Variants in PCDHGA8 observed in about 807,000 individuals in gnomAD.
PCDHGA8 encodes protocadherin gamma-A8.
Under a neutral mutation model 59.2 loss-of-function variants are expected in PCDHGA8, and 45 were observed. That is an observed-to-expected ratio of 0.76 (90% confidence interval 0.60 to 0.98). The LOEUF is 0.98. Ranked by LOEUF, PCDHGA8 falls within the 50% of genes least tolerant of loss-of-function variation. The pLI, the probability that PCDHGA8 is intolerant of heterozygous loss-of-function variation, is 0.00. For synonymous variants in PCDHGA8, 531 were observed against 519.0 expected (o/e 1.02, Z -0.32); for missense variants, 1,257 against 1,196.2 (o/e 1.05, Z -0.75).
intron 1 of PCDHGA8, chr5:141,421,690 C>T: frequency 6.2e-7 from 1 of 1,613,948 alleles, no homozygotes. Context: ...GCGATTTGCT[C>T]TTCCTAATGC....
Position 141,476,735 on chromosome 5 carries a change from G to C in PCDHGA8, c.2425-18072G>C, listed in dbSNP as rs1267556668. The C allele has an allele frequency of 6.2e-7, 1 of 1,613,974 alleles. No individual in the cohort carries two copies. Among genetic ancestry groups the C allele is most frequent in the African/African-American group, 1.3e-5 (1 of 74,940 alleles). On this transcript the variant is annotated intron_variant, in intron 1 of 3. Coordinates refer to ENST00000398604, the MANE Select transcript of PCDHGA8 (RefSeq NM_032088.2). This position sits in a 1 kb window ranked among gnomAD's most constrained non-coding sequence, Gnocchi z 7.6. ...GGAGCGCGCCCTGGACCGAGAACGG[G>C]AGCCTAGTCTCCAGTTAGTGCTGAC...
chr5:141,399,660 C>A lies in PCDHGA8; in HGVS notation c.2424+4423C>A, dbSNP rs988885728. 11 of 1,613,536 alleles carry A rather than the reference C, an allele frequency of 6.8e-6. No individual in the cohort carries two copies. The highest frequency in any genetic ancestry group is 9.3e-6 in the Non-Finnish European group (11 of 1,179,888). ...TGAGCGCGCAAAGTGGGGTGGTGTT[C>A]GCGCAGCGCGCCTTTGACTACGAGC... is the stretch of plus-strand genomic sequence containing the variant. On this transcript the variant is annotated intron_variant, in intron 1 of 3. Coordinates refer to ENST00000398604, the MANE Select transcript of PCDHGA8 (RefSeq NM_032088.2).
At chr5:141,442,737 G>A (rs1376026431) in intron 1 of PCDHGA8, among the ~76,000 whole-genome samples, 1 of 152,152 alleles carries the variant, frequency 6.6e-6, no homozygotes, top group Non-Finnish European at 1.5e-5. Flanking sequence ...CTGTAGGTAA[G>A]GAGCATGTTT....
rs2092837336 is a variant in PCDHGA8, at chr5:141,393,762, A to G, written c.949A>G (p.Met317Val). The change falls in exon 1 of 4, where the codon ATG (methionine) becomes GTG (valine). Residue 317 changes from methionine to valine, a missense_variant. By Grantham distance (21) the Met-to-Val change is conservative. Coordinates refer to ENST00000398604, the MANE Select transcript of PCDHGA8 (RefSeq NM_032088.2). ...LDYEECSFYEMEIQAEDVGAL... is the reference protein window; with the variant it reads ...LDYEECSFYEVEIQAEDVGAL... Reference sequence around the variant, plus strand: ...TTATGAAGAATGTTCATTTTATGAAATGGAAATACAAGCCGAAGATGTGGG... The same window carrying G: ...TTATGAAGAATGTTCATTTTATGAAGTGGAAATACAAGCCGAAGATGTGGG... 1 of 1,613,940 alleles carries G rather than the reference A, an allele frequency of 6.2e-7. No homozygotes were observed. Among genetic ancestry groups the G allele is most frequent in the African/African-American group, 1.3e-5 (1 of 75,054 alleles).
chr5:141,407,455 C>G (rs2094931708), intron 1 of PCDHGA8, among the ~76,000 whole-genome samples: 1 of 148,412 alleles, frequency 6.7e-6, no homozygotes, highest in African/African-American at 2.5e-5. Context: ...ACGAGGCTCA[C>G]CAGACAGATG....
rs1596285501 is a variant in PCDHGA8, at chr5:141,510,367, C to A, written c.2573-580C>A. Among the ~76,000 whole-genome samples the A allele has an allele frequency of 5.0e-5, 7 of 140,362 alleles. 1 individual carries two copies. In the South Asian group the frequency reaches 1.6e-3, roughly 31 times the overall value. The allele number at this position is 140,362 out of a possible 152,430, so 92.1% of individuals were successfully genotyped here. A position where few individuals can be genotyped will look rare whatever the true frequency, so the allele number is the denominator to read the frequency against. On this transcript the variant is annotated intron_variant, in intron 3 of 3. Transcript: ENST00000398604. ...ACACTTACTAACGGAACTACCGAAT[C>A]TCTACTCGTGCCAGGCCTTGCTTGG...
At chr5:141,475,996 G>T (rs2099383729) in intron 1 of PCDHGA8, 4 of 1,181,402 alleles carry the variant, frequency 3.4e-6, no homozygotes, top group Non-Finnish European at 3.5e-6. Flanking sequence ...GCAAATCAAC[G>T]GCATCCAGAA....
intron 1 of PCDHGA8, chr5:141,411,549 A>G (rs1169343676): frequency 6.6e-6 from 1 of 152,210 alleles, no homozygotes; most frequent in African/African-American, 2.4e-5. Flanking sequence ...TTGCCACTGC[A>G]CTCCAGCCTG....
intron 1 of PCDHGA8, chr5:141,423,302 T>G (rs1221185261): frequency 6.2e-7 from 1 of 1,614,144 alleles, no homozygotes. Context: ...GACCTCTCGC[T>G]GTACTTGGTG....
At position 141,423,488 on chromosome 5, in the gene PCDHGA8, A is replaced by G. The variant is rs141810253; in HGVS notation, c.2424+28251A>G. The G allele has an allele frequency of 9.2e-4, 1,481 of 1,613,946 alleles. 7 individuals carry two copies. The highest frequency in any genetic ancestry group is 3.0e-3 in the Middle Eastern group (18 of 6,062). On this transcript the variant is annotated intron_variant, in intron 1 of 3. Transcript: ENST00000398604. The stretch of plus-strand genomic sequence containing the variant: ...GGGGTACAGGCTTTCCTGCAAACCT[A>G]TTCCCACGAGGTCTCTCTCATTGCG...
At chr5:141,471,263 C>T (rs2099253826) in intron 1 of PCDHGA8, 1 of 151,898 alleles carries the variant, frequency 6.6e-6, no homozygotes, top group African/African-American at 2.4e-5. Context: ...GTTGGCAAGG[C>T]TGGTCTCAAA....
rs200757040 is a variant in PCDHGA8, at chr5:141,431,080, C to T, written c.2424+35843C>T. 3 of 1,614,044 alleles carry T rather than the reference C, an allele frequency of 1.9e-6. No homozygotes were observed. The highest frequency in any genetic ancestry group is 2.5e-6 in the Non-Finnish European group (3 of 1,180,010). ...CCATCAAGTGTCAATTAAATCTAGA[C>T]ATTCTGATGGAGGATAAAGTGAAAA... On this transcript the variant is annotated intron_variant, in intron 1 of 3. Coordinates refer to ENST00000398604, the MANE Select transcript of PCDHGA8 (RefSeq NM_032088.2). This position sits in a 1 kb window ranked among gnomAD's most constrained non-coding sequence, Gnocchi z 4.8.
chr5:141,457,471 C>T (rs1478580665), intron 1 of PCDHGA8, among the ~76,000 whole-genome samples: 1 of 152,182 alleles, frequency 6.6e-6, no homozygotes, highest in African/African-American at 2.4e-5. Context: ...CAGGAATAAG[C>T]AGGGCCAGGG....
intron 1 of PCDHGA8, among the ~76,000 whole-genome samples, chr5:141,474,669 C>T (rs983136753): frequency 6.6e-6 from 1 of 152,198 alleles, no homozygotes; most frequent in Non-Finnish European, 1.5e-5. Flanking sequence ...CCTACCTAAC[C>T]TATGTGCCTA....
intron 1 of PCDHGA8, chr5:141,399,946 GC>G: frequency 6.2e-7 from 1 of 1,612,270 alleles, no homozygotes. Context: ...CGTGCTGCAG[GC>G]TAGCGAGCCC....
rs756464724 is a variant in PCDHGA8, at chr5:141,478,476, A to T, written c.2425-16331A>T. The T allele has an allele frequency of 5.0e-6, 8 of 1,613,838 alleles. 1 individual carries two copies. The South Asian group carries it at 7.7e-5, about 16-fold the overall frequency. The stretch of plus-strand genomic sequence containing the variant: ...GCCAGTCCACTGGCCAGCCGCCAGA[A>T]CACGCTGCGGAGCTGTGATCCGGTG... On this transcript the variant is annotated intron_variant, in intron 1 of 3. Transcript: ENST00000398604.
intron 1 of PCDHGA8, chr5:141,417,573 C>A: frequency 2.7e-6 from 1 of 377,070 alleles, no homozygotes; most frequent in Non-Finnish European, 4.7e-6. Flanking sequence ...AGTCAAGTTG[C>A]AGTCCCACAC....
Position 141,499,029 on chromosome 5 carries a change from A to AAGGAAGG in PCDHGA8, c.2483+4165_2483+4166insGGAAGGA, listed in dbSNP as rs1562187768. Among the ~76,000 whole-genome samples, 348 of 140,068 alleles carry AAGGAAGG rather than the reference A, an allele frequency of 2.5e-3. 2 individuals carry two copies. The highest frequency in any genetic ancestry group is 9.3e-3 in the African/African-American group (335 of 36,066). The allele number at this position is 140,068 out of a possible 152,430, so 91.9% of individuals were successfully genotyped here. ...GGAAGGAAGGAAGGAAGGAAGGAAG[A>AAGGAAGG]AAAGAAAGAAAAAGGGAGAAAAAAT... is the stretch of plus-strand genomic sequence containing the variant. On this transcript the variant is annotated intron_variant, in intron 2 of 3. Transcript: ENST00000398604.
intron 1 of PCDHGA8, chr5:141,399,529 G>C: frequency 6.2e-7 from 1 of 1,614,010 alleles, no homozygotes; most frequent in African/African-American, 1.3e-5. Context: ...GGCCTCCATC[G>C]CGCAAGTCTG....
Sources: allele counts gnomAD v4.1 joint callset (sites outside exome capture counted in the v4.1 genomes callset), GRCh38; gene constraint gnomAD v4.1.1; non-coding constraint Gnocchi (gnomAD v3.1); transcripts MANE v1.5; gene names NCBI Gene and HGNC (gene_info 2026-07-23, HGNC 2026-07-21).